The following NXPH2 variants were observed in gnomAD, a reference collection of about 807,000 sequenced individuals.
NXPH2 encodes neurexophilin 2, also known as neurexophilin-2.
Under a neutral mutation model 19.8 loss-of-function variants are expected in NXPH2, and 5 were observed. That is an observed-to-expected ratio of 0.25 (90% CI 0.13 to 0.53). The LOEUF (loss-of-function observed/expected upper bound fraction) is 0.53. NXPH2 is among the 20% of genes least tolerant of loss of function. The pLI, the probability that NXPH2 is intolerant of heterozygous loss-of-function variation, is 0.96. For missense variants in NXPH2, 289 were observed against 322.8 expected (o/e 0.90, Z 0.80); for synonymous variants, 154 against 127.4 (o/e 1.21, Z -1.41).
At chr2:138,713,971 A>AG (rs1681151192) in intron 1 of NXPH2, among the ~76,000 whole-genome samples, 1 of 136,666 alleles carries the variant, frequency 7.3e-6, no homozygotes, top group Non-Finnish European at 1.6e-5. Context: ...CAAACAAAAA[A>AG]GCAAAAAAAA....
intron 1 of NXPH2, among the ~76,000 whole-genome samples, chr2:138,776,620 T>TTG (rs1682267827): frequency 6.6e-6 from 1 of 151,524 alleles, no homozygotes; most frequent in Non-Finnish European, 1.5e-5. Context: ...AGTGGTGTTT[T>TTG]TTTTTTTTTT....
intron 1 of NXPH2, among the ~76,000 whole-genome samples, chr2:138,695,683 A>G (rs951558531): frequency 5.9e-5 from 9 of 152,284 alleles, no homozygotes; most frequent in Middle Eastern, 3.4e-3. Context: ...TGATATAAAC[A>G]TGGTAGAAAA....
At chr2:138,672,402 T>C (rs1482378933) in intron 1 of NXPH2, among the ~76,000 whole-genome samples, 1 of 152,240 alleles carries the variant, frequency 6.6e-6, no homozygotes, top group Non-Finnish European at 1.5e-5. Context: ...ATGTGCATTG[T>C]TTTATGGGTT....
At chr2:138,769,911 A>C (rs1682149508) in intron 1 of NXPH2, among the ~76,000 whole-genome samples, 1 of 152,192 alleles carries the variant, frequency 6.6e-6, no homozygotes, top group African/African-American at 2.4e-5. Context: ...TACAAACTCG[A>C]GGGCAAAACA....
At chr2:138,711,224 T>TCCATCTC (rs1681101833) in intron 1 of NXPH2, among the ~76,000 whole-genome samples, 1 of 143,020 alleles carries the variant, frequency 7.0e-6, no homozygotes, top group African/African-American at 2.6e-5. Flanking sequence ...CACTGCAACC[T>TCCATCTC]CCATCTCCCA....
chr2:138,707,598 A>C (rs1487547011), intron 1 of NXPH2, among the ~76,000 whole-genome samples: 1 of 152,128 alleles, frequency 6.6e-6, no homozygotes, highest in African/African-American at 2.4e-5. Context: ...ACAGTCTATT[A>C]ATACAGTCTA....
At chr2:138,697,852 CA>C (rs1440173456) in intron 1 of NXPH2, among the ~76,000 whole-genome samples, 2 of 151,992 alleles carry the variant, frequency 1.3e-5, no homozygotes, top group Admixed American at 1.3e-4. Flanking sequence ...ACATAAACAA[CA>C]GATACTTTTG....
chr2:138,757,422 T>C (rs1369013783), intron 1 of NXPH2, among the ~76,000 whole-genome samples: 1 of 152,160 alleles, frequency 6.6e-6, no homozygotes, highest in Admixed American at 6.5e-5. Flanking sequence ...CCACTTTCTC[T>C]GACATCTGGG....
chr2:138,671,654 G>A lies in NXPH2; in HGVS notation c.63C>T (p.Asp21=), dbSNP rs766839915. The part of the protein sequence containing the change: ...VPGLLQLLFC[D]SKEVVHATEG... ...CCGTGGCATGCACCACTTCCTTACTGTCACAAAATAGCTGTTTGAAAAGAA... is the reference window on the plus strand; with the variant it reads ...CCGTGGCATGCACCACTTCCTTACTATCACAAAATAGCTGTTTGAAAAGAA... Residue 21 remains aspartate (D), a synonymous_variant, in exon 2 of 2, where the codon GAC becomes GAT. Transcript: ENST00000272641. The A allele has an allele frequency of 6.4e-7, 1 of 1,554,318 alleles. No homozygotes were observed. The highest frequency in any genetic ancestry group is 2.3e-5 in the East Asian group (1 of 44,252).
chr2:138,733,900 G>A (rs768819457), intron 1 of NXPH2, among the ~76,000 whole-genome samples: 14 of 152,188 alleles, frequency 9.2e-5, no homozygotes, highest in Non-Finnish European at 1.8e-4. Flanking sequence ...AAGAAAAGAC[G>A]TAGGGGAAAA....
intron 1 of NXPH2, among the ~76,000 whole-genome samples, chr2:138,704,137 GA>G (rs1680973283): frequency 6.6e-6 from 1 of 152,204 alleles, no homozygotes. Flanking sequence ...CAGGATATTT[GA>G]TAAAGGTCTA....
chr2:138,671,544 A>C lies in NXPH2; in HGVS notation c.173T>G (p.Leu58Arg), dbSNP rs574821159. The C allele has an allele frequency of 2.3e-5, 37 of 1,613,896 alleles. No individual in the cohort carries two copies. The highest frequency in any genetic ancestry group is 1.0e-4 in the Admixed American group (6 of 60,002). The change falls in exon 2 of 2, where the codon CTG (leucine) becomes CGG (arginine). Residue 58 changes from leucine to arginine, a missense_variant. Physicochemically the swap from Leu to Arg is moderately radical, Grantham distance 102. Coordinates refer to ENST00000272641, the MANE Select transcript of NXPH2 (RefSeq NM_007226.3). ...VHSRIISPLR[L>R]FVKQSPVPKP... is the part of the protein sequence containing the mutation. ...GGGCACCGGAGACTGTTTAACAAAC[A>C]GGCGCAGGGGACTGATGATCCTTGA...
intron 1 of NXPH2, among the ~76,000 whole-genome samples, chr2:138,722,616 T>C (rs1230208304): frequency 6.6e-6 from 1 of 152,144 alleles, no homozygotes; most frequent in Non-Finnish European, 1.5e-5. Context: ...GATCTTCCAA[T>C]AGTTAAGGAA....
intron 1 of NXPH2, among the ~76,000 whole-genome samples, chr2:138,762,556 A>G (rs1361656149): frequency 6.6e-6 from 1 of 152,308 alleles, no homozygotes; most frequent in Admixed American, 6.5e-5. Flanking sequence ...CACCATATCA[A>G]TTCTGGTCTA....
chr2:138,693,547 A>G (rs1407829839), intron 1 of NXPH2, among the ~76,000 whole-genome samples: 3 of 152,154 alleles, frequency 2.0e-5, no homozygotes, highest in Non-Finnish European at 4.4e-5. Context: ...TAAGGTTGCC[A>G]TATAAATTAT....
intron 1 of NXPH2, among the ~76,000 whole-genome samples, chr2:138,709,777 G>A (rs754645334): frequency 6.6e-6 from 1 of 152,132 alleles, no homozygotes; most frequent in Non-Finnish European, 1.5e-5. Context: ...ACTATTTTCA[G>A]ATCAGTGTCT....
intron 1 of NXPH2, among the ~76,000 whole-genome samples, chr2:138,722,738 C>T (rs1366957510): frequency 6.6e-6 from 1 of 152,188 alleles, no homozygotes; most frequent in Non-Finnish European, 1.5e-5. Context: ...GTGCTGATAG[C>T]ATGTGCCGAT....
At chr2:138,753,234 T>C (rs1681851691) in intron 1 of NXPH2, among the ~76,000 whole-genome samples, 1 of 152,206 alleles carries the variant, frequency 6.6e-6, no homozygotes, top group African/African-American at 2.4e-5. Flanking sequence ...TATAATCTAA[T>C]GTTAATTTAC....
At chr2:138,693,930 G>C (rs1680786874) in intron 1 of NXPH2, among the ~76,000 whole-genome samples, 1 of 152,130 alleles carries the variant, frequency 6.6e-6, no homozygotes, top group South Asian at 2.1e-4. Context: ...AACCTGGTAG[G>C]CTTTAAAAAT....
Sources: gnomAD v4.1 joint callset for allele counts (sites outside exome capture counted in the v4.1 genomes callset) on GRCh38, gnomAD v4.1.1 for gene constraint, MANE v1.5 for transcripts, NCBI Gene and HGNC (gene_info 2026-07-23, HGNC 2026-07-21) for gene names.